The following UBR3 variants were observed in gnomAD, a reference collection of about 807,000 sequenced individuals.
UBR3 encodes the protein ubiquitin protein ligase E3 component n-recognin 3, also known as E3 ubiquitin-protein ligase UBR3.
Under a neutral mutation model 243.2 loss-of-function variants are expected in UBR3, and 85 were observed. The ratio of observed to expected loss-of-function variants is 0.35; its 90% CI spans 0.29 to 0.42. The LOEUF (loss-of-function observed/expected upper bound fraction) is 0.42, where lower values mean the gene tolerates loss of function less well. Among genes scored for constraint, UBR3 ranks in the 10% least tolerant of loss-of-function variants. UBR3 has a pLI of 1.00. For synonymous variants in UBR3, 748 were observed against 799.8 expected, an observed-to-expected ratio of 0.94 and a Z score of 1.09; for missense variants, 1,686 against 2,300.8, an observed-to-expected ratio of 0.73 and a Z score of 5.47.
At chr2:170,079,275 C>G (rs1574490717) in intron 36 of UBR3, among the ~76,000 whole-genome samples, 3 of 152,036 alleles carry the variant, frequency 2.0e-5, no homozygotes, top group African/African-American at 7.2e-5. Flanking sequence ...TAGCCCAGCA[C>G]TTATGGATAT....
chr2:169,975,239 T>A (rs934499112), intron 24 of UBR3, among the ~76,000 whole-genome samples: 3 of 152,188 alleles, frequency 2.0e-5, no homozygotes, highest in Non-Finnish European at 2.9e-5. Context: ...AACATGTTAT[T>A]TAATTTCCAT....
chr2:170,038,594 G>A (rs1360263159), intron 31 of UBR3, among the ~76,000 whole-genome samples: 1 of 152,176 alleles, frequency 6.6e-6, no homozygotes, highest in Non-Finnish European at 1.5e-5. Context: ...AGAGGAAGTA[G>A]AGATAGAGTC....
intron 9 of UBR3, among the ~76,000 whole-genome samples, chr2:169,905,500 C>T (rs2105333476): frequency 6.6e-6 from 1 of 152,136 alleles, no homozygotes; most frequent in East Asian, 1.9e-4. Context: ...GAAAAAGAAA[C>T]AGGAGTATAA....
At chr2:169,931,134 G>A (rs550878590) in intron 18 of UBR3, among the ~76,000 whole-genome samples, 19 of 152,170 alleles carry the variant, frequency 1.2e-4, no homozygotes, top group Admixed American at 1.0e-3. Flanking sequence ...GGTGGATCAC[G>A]AGGTCAGGAG....
chr2:169,983,874 T>C (rs915335871), intron 24 of UBR3, among the ~76,000 whole-genome samples: 1 of 152,220 alleles, frequency 6.6e-6, no homozygotes, highest in African/African-American at 2.4e-5. Context: ...GTACTTTTGT[T>C]CTAAAAGGGC....
Position 169,927,337 on chromosome 2 carries a change from A to T in UBR3, c.2356A>T (p.Ile786Phe). The T allele has an allele frequency of 6.4e-7, 1 of 1,550,898 alleles. No individual in the cohort carries two copies. The highest frequency in any genetic ancestry group is 8.7e-7 in the Non-Finnish European group (1 of 1,146,658). The stretch of plus-strand genomic sequence containing the variant: ...AATTTTAGGAATGTCTGATGATGAG[A>T]TTCTCAGGGCCGAGATGGTAGCCCA... ...RLHLGMSDDE[I>F]LRAEMVAQLC... Residue 786 changes from isoleucine (I) to phenylalanine (F), a missense_variant, in exon 17 of 39, where the codon ATT becomes TTT. Around this residue, in one of 8 missense-constraint regions of UBR3, gnomAD observed 346 missense variants for 585.8 expected, o/e 0.59. Transcript: ENST00000272793.
chr2:169,961,808 T>C (rs1004230407), intron 24 of UBR3, among the ~76,000 whole-genome samples: 1 of 152,080 alleles, frequency 6.6e-6, no homozygotes, highest in African/African-American at 2.4e-5. Context: ...CCATCCTCCT[T>C]AGTGCTCAAT....
chr2:169,882,512 G>A (rs57461923), intron 5 of UBR3, among the ~76,000 whole-genome samples: 8,164 of 150,638 alleles, frequency 0.054, 402 homozygotes, highest in African/African-American at 0.13. Context: ...AGGCCGAGGC[G>A]GGCAGATCAC....
chr2:170,058,234 C>CT (rs2091380463), intron 33 of UBR3, among the ~76,000 whole-genome samples: 1 of 152,028 alleles, frequency 6.6e-6, no homozygotes, highest in African/African-American at 2.4e-5. Flanking sequence ...CGCTTCATCT[C>CT]TTTAATTGCT....
chr2:169,913,794 T>C (rs1418828717), intron 10 of UBR3, among the ~76,000 whole-genome samples: 1 of 152,158 alleles, frequency 6.6e-6, no homozygotes, highest in African/African-American at 2.4e-5. Context: ...AAATGGAGTC[T>C]GATTTAAATC....
chr2:169,966,201 T>C (rs1245586623), intron 24 of UBR3, among the ~76,000 whole-genome samples: 1 of 152,178 alleles, frequency 6.6e-6, no homozygotes, highest in Non-Finnish European at 1.5e-5. Context: ...ACTAGCCATC[T>C]ATGTGTAGGA....
Position 170,083,595 on chromosome 2 carries a change from A to G in UBR3, c.*1752A>G, listed in dbSNP as rs1362244171. On this transcript the variant is annotated 3_prime_UTR_variant, in exon 39 of 39. Transcript: ENST00000272793. ...TCTAGTAAATACTGTTACAGGATTCATGAACTTGAATAATTCTACAGTTTG... is the reference window on the plus strand; with the variant it reads ...TCTAGTAAATACTGTTACAGGATTCGTGAACTTGAATAATTCTACAGTTTG... 1 of 152,646 alleles carries G rather than the reference A, an allele frequency of 6.6e-6. No individual in the cohort carries two copies. The highest frequency in any genetic ancestry group is 1.5e-5 in the Non-Finnish European group (1 of 68,002). The allele number at this position is 152,646 out of a possible 1,614,324, so 9.5% of individuals were successfully genotyped here.
intron 1 of UBR3, among the ~76,000 whole-genome samples, chr2:169,834,721 A>G (rs925672158): frequency 3.3e-5 from 5 of 152,240 alleles, no homozygotes; most frequent in African/African-American, 1.2e-4. Flanking sequence ...ATATTTGAGT[A>G]TGCATCTCAG....
chr2:169,828,984 G>C (rs2081838840), intron 1 of UBR3, among the ~76,000 whole-genome samples: 1 of 152,204 alleles, frequency 6.6e-6, no homozygotes, highest in Non-Finnish European at 1.5e-5. Context: ...CAATGTCAGG[G>C]ACAGTCTGAG....
intron 20 of UBR3, among the ~76,000 whole-genome samples, chr2:169,943,526 G>A (rs750261622): frequency 3.3e-5 from 5 of 152,080 alleles, no homozygotes; most frequent in Admixed American, 6.6e-5. Flanking sequence ...GCTTGAACCC[G>A]GGAGGTGGAG....
At chr2:170,017,405 C>A (rs867023632) in intron 30 of UBR3, among the ~76,000 whole-genome samples, 1 of 151,984 alleles carries the variant, frequency 6.6e-6, no homozygotes, top group Non-Finnish European at 1.5e-5. Flanking sequence ...GAATATCACA[C>A]TTTTGAAATA....
At chr2:169,894,063 T>C (rs2084480252) in intron 6 of UBR3, among the ~76,000 whole-genome samples, 1 of 152,140 alleles carries the variant, frequency 6.6e-6, no homozygotes, top group Admixed American at 6.6e-5. Flanking sequence ...ATTTCTGTTT[T>C]ATAAGTAGAA....
intron 14 of UBR3, 22 bp downstream of exon 14, chr2:169,925,769 G>T (rs1480980896): frequency 2.0e-6 from 3 of 1,534,888 alleles, no homozygotes; most frequent in South Asian, 2.5e-5. Context: ...AGATAATGCA[G>T]ATATACTTTA....
At chr2:169,884,643 G>A (rs549351000) in intron 5 of UBR3, among the ~76,000 whole-genome samples, 20 of 152,174 alleles carry the variant, frequency 1.3e-4, no homozygotes, top group Non-Finnish European at 2.4e-4. Flanking sequence ...GTTTATTAGT[G>A]GAAAACATTA....
Sources: allele counts gnomAD v4.1 joint callset (sites outside exome capture counted in the v4.1 genomes callset), GRCh38; gene constraint gnomAD v4.1.1; regional missense constraint gnomAD v4.1.1; transcripts MANE v1.5; gene names NCBI Gene and HGNC (gene_info 2026-07-23, HGNC 2026-07-21).